The following KCNJ3 variants were observed in gnomAD, a reference collection of about 807,000 sequenced individuals.
KCNJ3 encodes G protein-activated inward rectifier potassium channel 1.
Under a neutral mutation model 39.2 loss-of-function variants are expected in KCNJ3, and 4 were observed. That is an observed-to-expected ratio of 0.10 (90% confidence interval 0.05 to 0.23). The LOEUF (loss-of-function observed/expected upper bound fraction) is 0.23. KCNJ3 is among the 10% of genes least tolerant of loss of function. The pLI is 1.00. For missense variants in KCNJ3, 276 were observed against 634.9 expected, an observed-to-expected ratio of 0.43 and a Z score of 6.08; for synonymous variants, 230 against 237.4, an observed-to-expected ratio of 0.97 and a Z score of 0.29.
intron 2 of KCNJ3, among the ~76,000 whole-genome samples, chr2:154,792,884 G>T (rs973845978): frequency 1.3e-5 from 2 of 152,078 alleles, no homozygotes; most frequent in African/African-American, 2.4e-5. Context: ...ATTATAAATG[G>T]AGACCATGGA....
At chr2:154,832,641 G>A (rs1158524918) in intron 2 of KCNJ3, among the ~76,000 whole-genome samples, 2 of 152,058 alleles carry the variant, frequency 1.3e-5, no homozygotes, top group Non-Finnish European at 2.9e-5. Context: ...GAGTATGATA[G>A]CCAATAAATA....
At chr2:154,708,387 A>G (rs1685048292) in intron 1 of KCNJ3, among the ~76,000 whole-genome samples, 1 of 152,130 alleles carries the variant, frequency 6.6e-6, no homozygotes. Flanking sequence ...ATAAAAAGCC[A>G]ATGTATTTTT....
Position 154,781,611 on chromosome 2 carries a change from G to A in KCNJ3, c.919+71792G>A, listed in dbSNP as rs116479874. ...AGTGCATTTTAATTGCTGAAATGATGGCAGAATTTAATAGCATGCAAGATC... is the reference window on the plus strand; with the variant it reads ...AGTGCATTTTAATTGCTGAAATGATAGCAGAATTTAATAGCATGCAAGATC... On this transcript the variant is annotated intron_variant, in intron 2 of 2. Transcript: ENST00000295101. Among the ~76,000 whole-genome samples the A allele has an allele frequency of 5.5e-3, 834 of 152,204 alleles. 8 individuals carry two copies. Among genetic ancestry groups the A allele is most frequent in the African/African-American group, 0.019 (784 of 41,512 alleles).
At chr2:154,834,221 G>T (rs889350080) in intron 2 of KCNJ3, among the ~76,000 whole-genome samples, 1 of 152,070 alleles carries the variant, frequency 6.6e-6, no homozygotes, top group Non-Finnish European at 1.5e-5. Context: ...CAATGTTTTG[G>T]ATTTTAGCCA....
At chr2:154,785,309 T>C (rs1686507463) in intron 2 of KCNJ3, among the ~76,000 whole-genome samples, 1 of 152,170 alleles carries the variant, frequency 6.6e-6, no homozygotes. Context: ...TTGGTAGGTA[T>C]GGTTTCTTCT....
intron 2 of KCNJ3, among the ~76,000 whole-genome samples, chr2:154,808,375 T>G (rs1317612899): frequency 1.3e-5 from 2 of 151,490 alleles, no homozygotes; most frequent in African/African-American, 4.9e-5. Flanking sequence ...GCCACCACAC[T>G]CGGCGGGATA....
chr2:154,716,586 A>C (rs1405241261), intron 2 of KCNJ3, among the ~76,000 whole-genome samples: 3 of 152,178 alleles, frequency 2.0e-5, no homozygotes, highest in Admixed American at 2.0e-4. Context: ...ATTATTAAAA[A>C]ATGTTTCTAG....
At chr2:154,754,433 C>T (rs1685903305) in intron 2 of KCNJ3, among the ~76,000 whole-genome samples, 1 of 152,086 alleles carries the variant, frequency 6.6e-6, no homozygotes, top group Non-Finnish European at 1.5e-5. Flanking sequence ...GCCACCACGC[C>T]CAGCTAATTT....
chr2:154,757,152 T>C (rs1443331062), intron 2 of KCNJ3, among the ~76,000 whole-genome samples: 3 of 152,168 alleles, frequency 2.0e-5, no homozygotes, highest in Non-Finnish European at 4.4e-5. Context: ...GATAAAATAT[T>C]ATAAATCAAG....
Position 154,802,188 on chromosome 2 carries a change from GT to G in KCNJ3, c.920-52528del, listed in dbSNP as rs1222853939. ...TTTTAGGTTTTTAAGGATTTGGGGA[GT>G]TTTTTTTTTTCTAAGACAACAAGTT... is the stretch of plus-strand genomic sequence containing the variant. On this transcript the variant is annotated intron_variant, in intron 2 of 2. Coordinates refer to ENST00000295101, the MANE Select transcript of KCNJ3 (RefSeq NM_002239.4). Among the ~76,000 whole-genome samples the G allele has an allele frequency of 3.9e-3, 578 of 147,780 alleles. 6 individuals are homozygous for G. The highest frequency in any genetic ancestry group is 0.013 in the African/African-American group (520 of 40,272).
At chr2:154,715,555 G>T (rs945337338) in intron 2 of KCNJ3, among the ~76,000 whole-genome samples, 7 of 152,118 alleles carry the variant, frequency 4.6e-5, no homozygotes, top group Admixed American at 2.6e-4. Context: ...CTTTTACTAT[G>T]CAAGTGCTAT....
chr2:154,797,630 CATA>C (rs1286221879), intron 2 of KCNJ3, among the ~76,000 whole-genome samples: 1 of 151,894 alleles, frequency 6.6e-6, no homozygotes, highest in Non-Finnish European at 1.5e-5. Flanking sequence ...TACATATAAA[CATA>C]ATCACTATAT....
chr2:154,777,157 C>T (rs1475680511), intron 2 of KCNJ3, among the ~76,000 whole-genome samples: 3 of 152,202 alleles, frequency 2.0e-5, no homozygotes, highest in African/African-American at 4.8e-5. Flanking sequence ...ATACATAATG[C>T]ACATACATGA....
intron 2 of KCNJ3, among the ~76,000 whole-genome samples, chr2:154,841,197 G>A (rs1317621945): frequency 6.6e-6 from 1 of 152,054 alleles, no homozygotes; most frequent in Non-Finnish European, 1.5e-5. Flanking sequence ...ATAATCATGT[G>A]GTTTTTGTCA....
At chr2:154,779,916 A>C (rs1396630752) in intron 2 of KCNJ3, among the ~76,000 whole-genome samples, 1 of 152,120 alleles carries the variant, frequency 6.6e-6, no homozygotes, top group Non-Finnish European at 1.5e-5. Context: ...ATGGCTTCAA[A>C]ACATGCCTCT....
At chr2:154,777,260 C>T (rs1023608121) in intron 2 of KCNJ3, among the ~76,000 whole-genome samples, 5 of 152,160 alleles carry the variant, frequency 3.3e-5, no homozygotes, top group African/African-American at 1.2e-4. Context: ...CCTGTGACTA[C>T]AGTGTTTCTG....
chr2:154,806,288 C>T (rs1231930100), intron 2 of KCNJ3, among the ~76,000 whole-genome samples: 3 of 152,158 alleles, frequency 2.0e-5, no homozygotes, highest in African/African-American at 7.2e-5. Flanking sequence ...AAAGTTGTGT[C>T]TGTCTCCTTT....
intron 2 of KCNJ3, among the ~76,000 whole-genome samples, chr2:154,769,134 A>G (rs1243773209): frequency 6.6e-6 from 1 of 152,328 alleles, no homozygotes; most frequent in East Asian, 1.9e-4. Context: ...ATCTGCAAAC[A>G]GGGACAATTT....
Position 154,699,556 on chromosome 2 carries a change from C to G in KCNJ3, c.702+79C>G. 6.8e-7 allele frequency: 1 copy of G among 1,481,026 alleles called. No individual in the cohort carries two copies. Among genetic ancestry groups the G allele is most frequent in the Non-Finnish European group, 9.0e-7 (1 of 1,117,182 alleles). 91.7% of individuals were successfully genotyped at this position (1,481,026 alleles called of 1,614,324 possible). On this transcript the variant is annotated intron_variant, in intron 1 of 2. Coordinates refer to ENST00000295101, the MANE Select transcript of KCNJ3 (RefSeq NM_002239.4). This position sits in a 1 kb window ranked among gnomAD's most constrained non-coding sequence, Gnocchi z 6.4. ...GGAGTAACTCGTCTGAGAACCAGCC[C>G]GGGCCCCCTCCCCTGGTTCTACCTA...
Sources: gnomAD v4.1 joint callset for allele counts (sites outside exome capture counted in the v4.1 genomes callset) on GRCh38, gnomAD v4.1.1 for gene constraint, Gnocchi (gnomAD v3.1) non-coding constraint, MANE v1.5 for transcripts, NCBI Gene and HGNC (gene_info 2026-07-23, HGNC 2026-07-21) for gene names.